Variants in CACNA1A observed in about 807,000 individuals in gnomAD.
CACNA1A encodes calcium voltage-gated channel subunit alpha1 A, also known as voltage-dependent P/Q-type calcium channel subunit alpha-1A.
A neutral mutation model predicts 262.4 loss-of-function variants in CACNA1A; 57 were observed. That is an observed-to-expected ratio of 0.22 (90% confidence interval 0.18 to 0.27). CACNA1A has a LOEUF of 0.27. CACNA1A is among the 10% of genes least tolerant of loss of function. The probability of loss-of-function intolerance (pLI) is 1.00; values close to 1 mark genes in which losing one functional copy is unlikely to be tolerated. For missense variants in CACNA1A, 2,526 were observed against 3,562.8 expected, an observed-to-expected ratio of 0.71 and a Z score of 7.41; for synonymous variants, 1,431 against 1,419.3, an observed-to-expected ratio of 1.01 and a Z score of -0.18.
rs16009 is a variant in CACNA1A, at chr19:13,317,149, A to G, written c.1518T>C (p.Val506=). The change falls in exon 11 of 47, where the codon GTT becomes GTC. Residue 506 remains valine (V), a synonymous_variant. Transcript: ENST00000360228. ...VALNTLCVAI[V]HYNQPEWLSD... The stretch of plus-strand genomic sequence containing the variant: ...AGAGCCACTCGGGCTGGTTGTAGTG[A>G]ACAATAGCAACACACAGCGTGTTGA... 1.6e-3 allele frequency: 2,630 copies of G among 1,611,940 alleles called. 21 individuals carry two copies. The highest frequency in any genetic ancestry group is 9.7e-3 in the South Asian group (883 of 90,976).
chr19:13,372,029 T>C (rs1324888518), intron 3 of CACNA1A, among the ~76,000 whole-genome samples: 3 of 152,080 alleles, frequency 2.0e-5, no homozygotes, highest in African/African-American at 7.2e-5. Context: ...ATGAGAGAAA[T>C]GGAATCTTCC....
intron 3 of CACNA1A, among the ~76,000 whole-genome samples, chr19:13,377,382 T>C (rs911161653): frequency 6.6e-6 from 1 of 151,736 alleles, no homozygotes; most frequent in Admixed American, 6.6e-5. Context: ...CATTTTTTTT[T>C]TTTTTTGAGA....
At position 13,452,013 on chromosome 19, in the gene CACNA1A, C is replaced by T. The variant is rs117256149; in HGVS notation, c.539+863G>A. 7.2e-4 allele frequency: 110 copies of T among 152,096 alleles called. No individual in the cohort carries two copies. In the East Asian group the frequency reaches 0.018, roughly 24 times the overall value. 9.4% of individuals were successfully genotyped at this position (152,096 alleles called of 1,614,324 possible). ...AATTTTTATTTTATTTTATGTTTTA[C>T]AGATGGGGGGGTGGTCTCACTGTGT... is the stretch of plus-strand genomic sequence containing the variant. On this transcript the variant is annotated intron_variant, in intron 3 of 46. Transcript: ENST00000360228.
chr19:13,324,514 A>G (rs1465138226), intron 10 of CACNA1A, among the ~76,000 whole-genome samples: 1 of 152,216 alleles, frequency 6.6e-6, no homozygotes, highest in Admixed American at 6.6e-5. Flanking sequence ...GAATCATTCT[A>G]TGATGTATAC....
chr19:13,265,458 C>T (rs895069598), intron 24 of CACNA1A, among the ~76,000 whole-genome samples: 2 of 152,208 alleles, frequency 1.3e-5, no homozygotes, highest in African/African-American at 4.8e-5. Context: ...GTATTTTAGC[C>T]TGCTAGGCAG....
chr19:13,445,776 C>T (rs897139330), intron 3 of CACNA1A, among the ~76,000 whole-genome samples: 8 of 152,246 alleles, frequency 5.3e-5, no homozygotes, highest in African/African-American at 1.9e-4. Context: ...TAAAAACATG[C>T]CTTACAAGGG....
At chr19:13,258,116 C>T (rs12151170) in intron 27 of CACNA1A, 32,135 of 152,040 alleles carry the variant, frequency 0.21, 3,739 homozygotes, top group African/African-American at 0.3. Context: ...TCATCCCCAC[C>T]GGCTCAGCAA....
chr19:13,342,169 G>A (rs574307124), intron 6 of CACNA1A, among the ~76,000 whole-genome samples: 3 of 151,956 alleles, frequency 2.0e-5, no homozygotes, highest in Admixed American at 1.3e-4. Flanking sequence ...GTGGTGGAAG[G>A]CTGGGTGCAG....
rs766183151 is a variant in CACNA1A at position 13,214,463 on chromosome 19, C to T, written c.5839+38G>A. ...CCCTTTCCCTCCCCCTCCATCTGTCCTGGTGGATTGGATCCCAGGGCTGGG... is the reference window on the plus strand; with the variant it reads ...CCCTTTCCCTCCCCCTCCATCTGTCTTGGTGGATTGGATCCCAGGGCTGGG... On this transcript the variant is annotated intron_variant, in intron 39 of 46. Coordinates refer to ENST00000360228, the MANE Select transcript of CACNA1A (RefSeq NM_001127222.2). The surrounding 1 kb of genome is among the most constrained non-coding windows in gnomAD (Gnocchi z 4.1). 3.2e-6 allele frequency: 5 copies of T among 1,579,884 alleles called. No homozygotes were observed. In the African/African-American group the frequency reaches 5.4e-5, roughly 17 times the overall value.
In CACNA1A at chr19:13,308,567, TCTGGGCTCCAGAA is replaced by T; in HGVS notation, c.1669-52_1669-40del. The T allele has an allele frequency of 7.4e-7, 1 of 1,347,100 alleles. No individual in the cohort carries two copies. The highest frequency in any genetic ancestry group is 2.3e-5 in the East Asian group (1 of 42,936). 83.4% of individuals were successfully genotyped at this position (1,347,100 alleles called of 1,614,324 possible). ...CCTGGTCTCATGTCCAGGGACAGTG[TCTGGGCTCCAGAA>T]CTGGCAAGCATTTCCTAGGTACCAA... On this transcript the variant is annotated intron_variant, in intron 12 of 46. Transcript: ENST00000360228. The surrounding 1 kb of genome is among the most constrained non-coding windows in gnomAD (Gnocchi z 4.2).
chr19:13,370,187 G>A (rs1025099817), intron 4 of CACNA1A, among the ~76,000 whole-genome samples: 8 of 148,464 alleles, frequency 5.4e-5, no homozygotes, highest in Admixed American at 2.7e-4. Flanking sequence ...TGCAACCTCC[G>A]CCCCCCGGGT....
At position 13,490,726 on chromosome 19, in the gene CACNA1A, AAAGAAAGAGAAAAG is replaced by A. The variant is rs1412576379; in HGVS notation, c.293+15192_293+15205del. ...GAAAGAAAGAAAGAAAGAAAGAAAG[AAAGAAAGAGAAAAG>A]AAAGAAAGAAAAGAAGGAAGAAGAG... On this transcript the variant is annotated intron_variant, in intron 1 of 46. Coordinates refer to ENST00000360228, the MANE Select transcript of CACNA1A (RefSeq NM_001127222.2). Among the ~76,000 whole-genome samples, 16 of 139,150 alleles carry A rather than the reference AAAGAAAGAGAAAAG, an allele frequency of 1.1e-4. No individual in the cohort carries two copies. The East Asian group carries it at 1.9e-3, about 16-fold the overall frequency. 91.3% of individuals were successfully genotyped at this position (139,150 alleles called of 152,430 possible).
chr19:13,334,904 T>G (rs2058537367), intron 7 of CACNA1A, among the ~76,000 whole-genome samples: 1 of 151,916 alleles, frequency 6.6e-6, no homozygotes, highest in Non-Finnish European at 1.5e-5. Flanking sequence ...CATGGTGGCA[T>G]ACACTTGTTG....
At chr19:13,355,835 C>T (rs2058998845) in intron 6 of CACNA1A, among the ~76,000 whole-genome samples, 1 of 152,134 alleles carries the variant, frequency 6.6e-6, no homozygotes, top group South Asian at 2.1e-4. Flanking sequence ...GGATGCTGTG[C>T]ATTGTAGAAT....
rs910298471 is a variant in CACNA1A at position 13,241,673 on chromosome 19, G to A, written c.4950+3509C>T. The stretch of plus-strand genomic sequence containing the variant: ...GGCGGGGAGTGGGGGTGGTGGTGGC[G>A]GTGGGTTGGGAGATAAGTCATTGGT... On this transcript the variant is annotated intron_variant, in intron 31 of 46. Coordinates refer to ENST00000360228, the MANE Select transcript of CACNA1A (RefSeq NM_001127222.2). The surrounding 1 kb of genome is among the most constrained non-coding windows in gnomAD (Gnocchi z 4.0). 13 of 664,416 alleles carry A rather than the reference G, an allele frequency of 2.0e-5. No individual in the cohort carries two copies. The highest frequency in any genetic ancestry group is 1.9e-4 in the East Asian group (7 of 36,624). 41.2% of individuals were successfully genotyped at this position (664,416 alleles called of 1,614,324 possible).
chr19:13,351,077 G>A (rs1568561763), intron 6 of CACNA1A, among the ~76,000 whole-genome samples: 1 of 152,064 alleles, frequency 6.6e-6, no homozygotes, highest in Non-Finnish European at 1.5e-5. Flanking sequence ...CATCCCTGGG[G>A]GATACTAATC....
intron 1 of CACNA1A, among the ~76,000 whole-genome samples, chr19:13,463,387 C>A (rs2061162010): frequency 6.6e-6 from 1 of 152,176 alleles, no homozygotes; most frequent in Non-Finnish European, 1.5e-5. Context: ...CTTCAACACA[C>A]AGTTCTAACC....
chr19:13,325,774 T>C (rs2058349883), intron 10 of CACNA1A, among the ~76,000 whole-genome samples: 1 of 152,202 alleles, frequency 6.6e-6, no homozygotes, highest in Admixed American at 6.5e-5. Flanking sequence ...TATTTTAAAT[T>C]GACAGATACA....
At chr19:13,260,842 GCT>G (rs1301721343) in intron 26 of CACNA1A, 1 of 152,064 alleles carries the variant, frequency 6.6e-6, no homozygotes, top group African/African-American at 2.4e-5. Context: ...TGTAGGATGG[GCT>G]CTCATTATGT....
Sources: gnomAD v4.1 joint callset for allele counts (sites outside exome capture counted in the v4.1 genomes callset) on GRCh38, gnomAD v4.1.1 for gene constraint, Gnocchi (gnomAD v3.1) non-coding constraint, MANE v1.5 for transcripts, NCBI Gene and HGNC (gene_info 2026-07-23, HGNC 2026-07-21) for gene names.